The following KDM4C variants were observed in gnomAD, a reference collection of about 807,000 sequenced individuals.
The protein encoded by KDM4C is lysine demethylase 4C, also known as lysine-specific demethylase 4C.
KDM4C carries 81 observed loss-of-function variants against 129.3 expected under a neutral mutation model. The observed-to-expected ratio is 0.63, with a 90% CI of 0.52 to 0.75. KDM4C has a LOEUF of 0.75. Among genes scored for constraint, KDM4C ranks in the 30% least tolerant of loss-of-function variants. KDM4C has a pLI of 0.00. For missense variants in KDM4C, 1,457 were observed against 1,304.0 expected, an observed-to-expected ratio of 1.12 and a Z score of -1.81; for synonymous variants, 573 against 456.1, an observed-to-expected ratio of 1.26 and a Z score of -3.26.
intron 15 of KDM4C, among the ~76,000 whole-genome samples, chr9:7,023,746 C>A (rs1022956146): frequency 1.3e-5 from 2 of 151,846 alleles, no homozygotes; most frequent in Non-Finnish European, 2.9e-5. Flanking sequence ...AGTTTTTCTT[C>A]TTTTTTTATA....
At chr9:7,002,509 G>T (rs572158399) in intron 12 of KDM4C, among the ~76,000 whole-genome samples, 39 of 152,270 alleles carry the variant, frequency 2.6e-4, no homozygotes, top group African/African-American at 7.7e-4. Context: ...TTTCTCTTCA[G>T]ATCATGTGGC....
intron 18 of KDM4C, among the ~76,000 whole-genome samples, chr9:7,127,240 A>C (rs1244776629): frequency 6.6e-6 from 1 of 152,236 alleles, no homozygotes; most frequent in East Asian, 1.9e-4. Context: ...GAGGAACAGG[A>C]CATTTACATA....
At chr9:6,979,887 C>T (rs1816464796) in intron 8 of KDM4C, among the ~76,000 whole-genome samples, 1 of 152,022 alleles carries the variant, frequency 6.6e-6, no homozygotes, top group Non-Finnish European at 1.5e-5. Flanking sequence ...ACTGTGGTAT[C>T]ATTTGGTAGC....
intron 1 of KDM4C, among the ~76,000 whole-genome samples, chr9:6,744,667 T>G (rs1817818446): frequency 6.6e-6 from 1 of 152,168 alleles, no homozygotes; most frequent in South Asian, 2.1e-4. Flanking sequence ...TGTACTAGGA[T>G]TACAGGCATG....
chr9:7,030,532 A>T (rs954921710), intron 15 of KDM4C, among the ~76,000 whole-genome samples: 1 of 152,178 alleles, frequency 6.6e-6, no homozygotes, highest in Non-Finnish European at 1.5e-5. Context: ...GGGGATGTTG[A>T]TAATGATGGA....
At chr9:6,943,479 G>C (rs1826328494) in intron 8 of KDM4C, among the ~76,000 whole-genome samples, 1 of 152,048 alleles carries the variant, frequency 6.6e-6, no homozygotes, top group Admixed American at 6.5e-5. Context: ...GACGCCTAGT[G>C]GGGAGGATCG....
chr9:6,806,884 C>CTCTCCT (rs1491094758), intron 3 of KDM4C, among the ~76,000 whole-genome samples: 1 of 66,336 alleles, frequency 1.5e-5, no homozygotes, highest in Non-Finnish European at 3.6e-5. Flanking sequence ...CTCCGTCTCC[C>CTCTCCT]TCTCCCTCTC....
intron 18 of KDM4C, among the ~76,000 whole-genome samples, chr9:7,127,560 G>T (rs541705336): frequency 6.6e-6 from 1 of 152,262 alleles, no homozygotes; most frequent in East Asian, 1.9e-4. Context: ...AAATGGTCCT[G>T]ATTAAAGAAG....
intron 17 of KDM4C, among the ~76,000 whole-genome samples, chr9:7,053,654 T>C (rs769161949): frequency 2.0e-5 from 3 of 152,266 alleles, no homozygotes; most frequent in Non-Finnish European, 4.4e-5. Flanking sequence ...TAATTAACTT[T>C]TAAAAACCTA....
chr9:6,835,125 G>A, intron 4 of KDM4C: 2 of 1,000,500 alleles, frequency 2.0e-6, no homozygotes, highest in Admixed American at 1.7e-5. Flanking sequence ...CCTTCGAGCA[G>A]GAGATGGCCA....
At chr9:6,826,590 G>T (rs1183468854) in intron 4 of KDM4C, among the ~76,000 whole-genome samples, 1 of 152,164 alleles carries the variant, frequency 6.6e-6, no homozygotes, top group African/African-American at 2.4e-5. Flanking sequence ...ATTTGGCCGG[G>T]CGCGGTGGCT....
intron 17 of KDM4C, among the ~76,000 whole-genome samples, chr9:7,077,655 G>T (rs958623088): frequency 1.3e-5 from 2 of 152,298 alleles, no homozygotes; most frequent in South Asian, 2.1e-4. Flanking sequence ...AGAGAAGTGG[G>T]AGGTCTATGA....
At chr9:7,157,812 T>C (rs1843347926) in intron 19 of KDM4C, among the ~76,000 whole-genome samples, 1 of 152,164 alleles carries the variant, frequency 6.6e-6, no homozygotes, top group Non-Finnish European at 1.5e-5. Flanking sequence ...GGTCAAAAAT[T>C]CTCTTTTTTT....
intron 15 of KDM4C, among the ~76,000 whole-genome samples, chr9:7,035,466 G>C (rs1827480875): frequency 6.8e-6 from 1 of 147,074 alleles, no homozygotes; most frequent in Non-Finnish European, 1.5e-5. Context: ...TATTTCCTTT[G>C]CTGTGCAGAA....
intron 21 of KDM4C, among the ~76,000 whole-genome samples, chr9:7,173,240 GGCAGAGACA>G: frequency 6.6e-6 from 1 of 152,210 alleles, no homozygotes; most frequent in Non-Finnish European, 1.5e-5. Context: ...GCTTGCCGAG[GGCAGAGACA>G]GTAGAATAGA....
intron 8 of KDM4C, among the ~76,000 whole-genome samples, chr9:6,943,855 C>G (rs1826400165): frequency 6.6e-6 from 1 of 152,088 alleles, no homozygotes; most frequent in Non-Finnish European, 1.5e-5. Flanking sequence ...AATCATTAAG[C>G]CAGAATCTTT....
chr9:7,077,002 G>A (rs1834000908), intron 17 of KDM4C: 1 of 985,418 alleles, frequency 1.0e-6, no homozygotes, highest in Admixed American at 6.2e-5. Context: ...CTCTATGTCT[G>A]TCAGCCTGAA....
intron 1 of KDM4C, among the ~76,000 whole-genome samples, chr9:6,769,055 G>T (rs1039055469): frequency 3.6e-4 from 55 of 152,248 alleles, no homozygotes; most frequent in Non-Finnish European, 7.9e-4. Context: ...TTACAAGCGT[G>T]AGCCACTACA....
intron 17 of KDM4C, among the ~76,000 whole-genome samples, chr9:7,081,791 T>G (rs1309266393): frequency 6.6e-6 from 1 of 152,180 alleles, no homozygotes; most frequent in Non-Finnish European, 1.5e-5. Context: ...GCCTTGGAGA[T>G]GAGTTCAGAG....
Sources: gnomAD v4.1 joint callset for allele counts (sites outside exome capture counted in the v4.1 genomes callset) on GRCh38, gnomAD v4.1.1 for gene constraint, MANE v1.5 for transcripts, NCBI Gene and HGNC (gene_info 2026-07-23, HGNC 2026-07-21) for gene names.